ARRB2: variants seen among roughly 807,000 people sequenced by gnomAD.
The protein encoded by ARRB2 is beta-arrestin-2.
In ARRB2, 21 loss-of-function variants were observed where a neutral mutation model predicts 53.4. That is an observed-to-expected ratio of 0.39 (90% CI 0.28 to 0.57). ARRB2 has a LOEUF of 0.57. Ranked by LOEUF, ARRB2 falls within the 20% of genes least tolerant of loss-of-function variation. The pLI is 0.55. For missense variants in ARRB2, 369 were observed against 527.5 expected (o/e 0.70, Z 2.94); for synonymous variants, 180 against 212.9 (o/e 0.85, Z 1.34).
Position 4,720,382 on chromosome 17 carries a change from C to T in ARRB2, c.1002-11C>T, listed in dbSNP as rs371463111. The T allele has an allele frequency of 1.1e-5, 18 of 1,613,692 alleles. No homozygotes were observed. Among genetic ancestry groups the T allele is most frequent in the Non-Finnish European group, 1.4e-5 (16 of 1,179,910 alleles). ...CGTCGTCCTCTTCACGATGCCTCTCCCCTTCCCCAGGGATGTCTCTGTGGA... is the reference window on the plus strand; with the variant it reads ...CGTCGTCCTCTTCACGATGCCTCTCTCCTTCCCCAGGGATGTCTCTGTGGA... On this transcript the variant is annotated splice_polypyrimidine_tract_variant and intron_variant, in intron 12 of 14. Transcript: ENST00000269260.
In ARRB2 at chr17:4,714,652, C is replaced by T. The variant is rs1274221261; in HGVS notation, c.24-361C>T. 2.7e-3 allele frequency: 308 copies of T among 115,872 alleles called. 2 individuals carry two copies. The highest frequency in any genetic ancestry group is 3.3e-3 in the Non-Finnish European group (195 of 58,524). The allele number at this position is 115,872 out of a possible 1,614,324, so 7.2% of individuals were successfully genotyped here. A position where few individuals can be genotyped will look rare whatever the true frequency, so the allele number is the denominator to read the frequency against. On this transcript the variant is annotated intron_variant, in intron 1 of 14. Coordinates refer to ENST00000269260, the MANE Select transcript of ARRB2 (RefSeq NM_004313.4). ...CACGTTAGAAATAGGAAGGACCTTC[C>T]GGGAAGAAGGGTTCCCCTTGCCACC...
At chr17:4,716,640 G>C in intron 5 of ARRB2, 32 bp downstream of exon 5, 1 of 1,546,108 alleles carries the variant, frequency 6.5e-7, no homozygotes, top group South Asian at 1.2e-5. Context: ...GAGGGCCAGG[G>C]GGCTGGGGCT....
Position 4,721,035 on chromosome 17 carries a change from G to T in ARRB2, c.1226G>T (p.Cys409Phe). The T allele has an allele frequency of 6.2e-7, 1 of 1,613,876 alleles. No homozygotes were observed. Among genetic ancestry groups the T allele is most frequent in the Non-Finnish European group, 8.5e-7 (1 of 1,179,804 alleles). Residue 409 changes from cysteine (C) to phenylalanine (F), a missense_variant, in exon 15 of 15, where the codon TGC becomes TTC. Cys to Phe is a radical substitution (Grantham distance 205). Coordinates refer to ENST00000269260, the MANE Select transcript of ARRB2 (RefSeq NM_004313.4). The surrounding 1 kb of genome is among the most constrained non-coding windows in gnomAD (Gnocchi z 4.2). ...MKDDDYDDQL[C>F] The stretch of plus-strand genomic sequence containing the variant: ...GATGACGACTATGATGATCAACTCT[G>T]CTAGGAAGCGGGGTGGGAAGAAGGG...
intron 1 of ARRB2, among the ~76,000 whole-genome samples, chr17:4,712,318 C>T (rs546179988): frequency 6.6e-6 from 1 of 152,358 alleles, no homozygotes; most frequent in South Asian, 2.1e-4. Flanking sequence ...GCCTTACAAC[C>T]TTTGGACAGC....
Position 4,718,461 on chromosome 17 carries a change from G to T in ARRB2, c.706+116G>T, listed in dbSNP as rs749914147. The T allele has an allele frequency of 1.1e-5, 14 of 1,329,550 alleles. No individual in the cohort carries two copies. In the Admixed American group the frequency reaches 1.2e-4, roughly 12 times the overall value. 82.4% of individuals were successfully genotyped at this position (1,329,550 alleles called of 1,614,324 possible). A position where few individuals can be genotyped will look rare whatever the true frequency, so the allele number is the denominator to read the frequency against. ...TGCGGGAGACCCACCAGGGCTCAAA[G>T]AATTTAGGTTGTTCCATAATGATAC... On this transcript the variant is annotated intron_variant, in intron 9 of 14. Transcript: ENST00000269260.
chr17:4,715,886 TC>T, intron 2 of ARRB2, 86 bp from the exon 3 acceptor site: 1 of 1,470,144 alleles, frequency 6.8e-7, no homozygotes. Flanking sequence ...AGCCTGGAGA[TC>T]CCCGGGCAGG....
intron 9 of ARRB2, 125 bp from the exon 10 acceptor site, chr17:4,718,487 G>T (rs779963237): frequency 2.2e-5 from 26 of 1,206,356 alleles, no homozygotes; most frequent in Non-Finnish European, 2.8e-5. Context: ...ATAATGATAC[G>T]GGGAGCCTCG....
chr17:4,717,908 TC>T lies in ARRB2; in HGVS notation c.508del (p.Arg170GlufsTer48). On this transcript the variant is annotated frameshift_variant, in exon 8 of 15. Transcript: ENST00000269260. LOFTEE classifies it high-confidence loss of function. The surrounding 1 kb of genome is among the most constrained non-coding windows in gnomAD (Gnocchi z 6.0). ...SHKRNSVRLV[I>X]RKVQFAPEKP... ...CCCAGGAACTCTGTGCGGCTGGTGATCCGAAAGGTGCAGTTCGCCCCGGAGA... is the reference window on the plus strand; with the variant it reads ...CCCAGGAACTCTGTGCGGCTGGTGATCGAAAGGTGCAGTTCGCCCCGGAGA... 1 of 1,613,946 alleles carries T rather than the reference TC, an allele frequency of 6.2e-7. No homozygotes were observed. The highest frequency in any genetic ancestry group is 8.5e-7 in the Non-Finnish European group (1 of 1,180,010).
In ARRB2 at chr17:4,715,833, C is replaced by T. The variant is rs988549892; in HGVS notation, c.55-140C>T. 24 of 948,368 alleles carry T rather than the reference C, an allele frequency of 2.5e-5. No homozygotes were observed. The South Asian group carries it at 2.9e-4, about 12-fold the overall frequency. 58.7% of individuals were successfully genotyped at this position (948,368 alleles called of 1,614,324 possible). ...AAACGCCACCACCCTCACTTTCCAA[C>T]ACTATTGGGAGGAAACCTGGAACAA... On this transcript the variant is annotated intron_variant, in intron 2 of 14. Coordinates refer to ENST00000269260, the MANE Select transcript of ARRB2 (RefSeq NM_004313.4).
rs763264497 is a variant in ARRB2 at position 4,720,438 on chromosome 17, C to G, written c.1047C>G (p.Pro349=). The change falls in exon 13 of 15, where the codon CCC becomes CCG. Residue 349 remains proline, a synonymous_variant. Transcript: ENST00000269260. ...ELPFVLMHPK[P]HDHIPLPRPQ... ...CTTTTGTTCTTATGCACCCCAAGCC[C>G]CACGACCACATCCCCCTCCCCAGAC... The G allele has an allele frequency of 6.2e-7, 1 of 1,613,746 alleles. No homozygotes were observed. Among genetic ancestry groups the G allele is most frequent in the Admixed American group, 1.7e-5 (1 of 59,986 alleles).
chr17:4,719,670 G>C (rs947149881), intron 11 of ARRB2, among the ~76,000 whole-genome samples: 3 of 152,154 alleles, frequency 2.0e-5, no homozygotes, highest in Non-Finnish European at 4.4e-5. Flanking sequence ...GGTGAATTCG[G>C]AGTAAGGACC....
At chr17:4,715,570 C>CGG in intron 2 of ARRB2, 2 of 199,686 alleles carry the variant, frequency 1.0e-5, no homozygotes, top group African/African-American at 2.5e-5. Flanking sequence ...CACACACGGA[C>CGG]ACACACACAC....
rs769165555 is a variant in ARRB2 at position 4,720,389 on chromosome 17, C to T, written c.1002-4C>T. On this transcript the variant is annotated splice_region_variant and splice_polypyrimidine_tract_variant and intron_variant, in intron 12 of 14. Coordinates refer to ENST00000269260, the MANE Select transcript of ARRB2 (RefSeq NM_004313.4). ...CTCTTCACGATGCCTCTCCCCTTCC[C>T]CAGGGATGTCTCTGTGGAGCTGCCT... The T allele has an allele frequency of 1.2e-6, 2 of 1,613,852 alleles. No individual in the cohort carries two copies. Among genetic ancestry groups the T allele is most frequent in the Non-Finnish European group, 1.7e-6 (2 of 1,179,904 alleles).
rs35003453 is a variant in ARRB2 at position 4,721,205 on chromosome 17, A to G, written c.*166A>G. ...TCTCTCCCCCATCCCCCCAAGATAC[A>G]CACTGGACCCTCTCTTGCTGAATGT... On this transcript the variant is annotated 3_prime_UTR_variant, in exon 15 of 15. Transcript: ENST00000269260. The surrounding 1 kb of genome is among the most constrained non-coding windows in gnomAD (Gnocchi z 4.2). The G allele has an allele frequency of 2.5e-3, 1,580 of 634,650 alleles. 21 individuals carry two copies. The African/African-American group carries it at 0.026, about 10-fold the overall frequency. 39.3% of individuals were successfully genotyped at this position (634,650 alleles called of 1,614,324 possible). A position where few individuals can be genotyped will look rare whatever the true frequency, so the allele number is the denominator to read the frequency against.
At position 4,721,115 on chromosome 17, in the gene ARRB2, G is replaced by A. The variant is rs1915655698; in HGVS notation, c.*76G>A. 3 of 1,453,198 alleles carry A rather than the reference G, an allele frequency of 2.1e-6. No homozygotes were observed. The highest frequency in any genetic ancestry group is 2.9e-6 in the Non-Finnish European group (3 of 1,042,310). The allele number at this position is 1,453,198 out of a possible 1,614,324, so 90.0% of individuals were successfully genotyped here. On this transcript the variant is annotated 3_prime_UTR_variant, in exon 15 of 15. Transcript: ENST00000269260. The surrounding 1 kb of genome is among the most constrained non-coding windows in gnomAD (Gnocchi z 4.2). ...GGATTAAGATCCCCACTGTCAATGG[G>A]GGATTGTCCCAGCCCCTCTTCCCTT...
rs1258591902 is a variant in ARRB2 at position 4,718,255 on chromosome 17, C to A, written c.622-6C>A. ...TCCAATTCACATGACCCCCTCCCCC[C>A]AAAAGCTGTACTACCATGGGGAGCC... On this transcript the variant is annotated splice_polypyrimidine_tract_variant and splice_region_variant and intron_variant, in intron 8 of 14. Transcript: ENST00000269260. 4.3e-6 allele frequency: 7 copies of A among 1,609,796 alleles called. No individual in the cohort carries two copies. Among genetic ancestry groups the A allele is most frequent in the South Asian group, 1.1e-5 (1 of 90,214 alleles).
chr17:4,715,586 C>G lies in ARRB2; in HGVS notation c.55-387C>G, dbSNP rs201554137. 1.0e-4 allele frequency: 33 copies of G among 322,710 alleles called. No individual in the cohort carries two copies. The East Asian group carries it at 2.0e-3, about 19-fold the overall frequency. The allele number at this position is 322,710 out of a possible 1,614,324, so 20.0% of individuals were successfully genotyped here. A position where few individuals can be genotyped will look rare whatever the true frequency, so the allele number is the denominator to read the frequency against. ...ACACACGGACACACACACACACACACGGACACACACAAACACACCTCGCTG... is the reference window on the plus strand; with the variant it reads ...ACACACGGACACACACACACACACAGGGACACACACAAACACACCTCGCTG... On this transcript the variant is annotated intron_variant, in intron 2 of 14. Coordinates refer to ENST00000269260, the MANE Select transcript of ARRB2 (RefSeq NM_004313.4).
intron 1 of ARRB2, chr17:4,714,483 GC>G: frequency 5.3e-6 from 1 of 189,768 alleles, no homozygotes; most frequent in South Asian, 1.1e-4. Context: ...TCTGGGAAGA[GC>G]CTGGGTGGTT....
intron 1 of ARRB2, among the ~76,000 whole-genome samples, chr17:4,712,249 C>T (rs1261167250): frequency 6.6e-6 from 1 of 152,256 alleles, no homozygotes; most frequent in Non-Finnish European, 1.5e-5. Flanking sequence ...TAGCGGCTAC[C>T]ATATCGATGT....
Sources: allele counts gnomAD v4.1 joint callset (sites outside exome capture counted in the v4.1 genomes callset), GRCh38; gene constraint gnomAD v4.1.1; non-coding constraint Gnocchi (gnomAD v3.1); transcripts MANE v1.5; gene names NCBI Gene and HGNC (gene_info 2026-07-23, HGNC 2026-07-21).